Variants in ERC2 observed in about 807,000 individuals in gnomAD.
ERC2 encodes ERC protein 2.
In ERC2, 42 loss-of-function variants were observed where a neutral mutation model predicts 114.8. That is an observed-to-expected ratio of 0.37 (90% CI 0.29 to 0.47). The LOEUF (loss-of-function observed/expected upper bound fraction) is 0.47. ERC2 is among the 20% of genes least tolerant of loss of function. ERC2 has a pLI of 0.99. For missense variants in ERC2, 939 were observed against 1,150.7 expected (o/e 0.82, Z 2.66); for synonymous variants, 454 against 425.5 (o/e 1.07, Z -0.82).
intron 17 of ERC2, among the ~76,000 whole-genome samples, chr3:55,567,596 G>T (rs1281175671): frequency 6.6e-6 from 1 of 152,086 alleles, no homozygotes; most frequent in Non-Finnish European, 1.5e-5. Context: ...GGTGGTGAAT[G>T]GTGAGATGGT....
At chr3:55,663,392 G>A (rs532999185) in intron 17 of ERC2, among the ~76,000 whole-genome samples, 58 of 152,350 alleles carry the variant, frequency 3.8e-4, no homozygotes, top group African/African-American at 1.3e-3. Flanking sequence ...GGCTAGAATC[G>A]ATGATGGCTA....
chr3:55,910,022 G>GT (rs1559856216), intron 13 of ERC2, among the ~76,000 whole-genome samples: 2 of 151,784 alleles, frequency 1.3e-5, no homozygotes, highest in Non-Finnish European at 2.9e-5. Context: ...TATTCAGGTT[G>GT]TTTTTTTTCT....
At chr3:56,333,282 T>A (rs188004679) in intron 2 of ERC2, among the ~76,000 whole-genome samples, 2 of 152,224 alleles carry the variant, frequency 1.3e-5, no homozygotes, top group African/African-American at 4.8e-5. Context: ...ACAAGTCCAC[T>A]CCTAGAACCC....
At chr3:56,447,423 G>C (rs1412447933) in intron 1 of ERC2, among the ~76,000 whole-genome samples, 2 of 152,214 alleles carry the variant, frequency 1.3e-5, no homozygotes, top group Non-Finnish European at 2.9e-5. Flanking sequence ...GGGGAGGAGA[G>C]GAAAGAGAGG....
At chr3:55,557,303 C>G (rs749694489) in intron 17 of ERC2, among the ~76,000 whole-genome samples, 1 of 152,116 alleles carries the variant, frequency 6.6e-6, no homozygotes, top group Non-Finnish European at 1.5e-5. Flanking sequence ...TGGCAGACAT[C>G]GTGTTGACAG....
At chr3:55,760,475 A>G (rs1023577396) in intron 14 of ERC2, among the ~76,000 whole-genome samples, 1 of 152,230 alleles carries the variant, frequency 6.6e-6, no homozygotes, top group Non-Finnish European at 1.5e-5. Context: ...AAATAGACTA[A>G]GTAGTAAAAA....
chr3:55,626,297 G>A (rs978736930), intron 17 of ERC2, among the ~76,000 whole-genome samples: 1 of 152,178 alleles, frequency 6.6e-6, no homozygotes, highest in African/African-American at 2.4e-5. Context: ...AAGGAGGTCA[G>A]GCAAATGACT....
chr3:56,278,378 T>C (rs1288566049), intron 3 of ERC2, among the ~76,000 whole-genome samples: 1 of 152,174 alleles, frequency 6.6e-6, no homozygotes, highest in Non-Finnish European at 1.5e-5. Context: ...AAATAATTGA[T>C]CAATACTCTT....
chr3:55,996,610 A>G (rs1363075988), intron 10 of ERC2, among the ~76,000 whole-genome samples: 1 of 152,182 alleles, frequency 6.6e-6, no homozygotes, highest in African/African-American at 2.4e-5. Context: ...GGGACTCCCA[A>G]TTATATTTCT....
chr3:55,726,480 C>T (rs1326879351), intron 15 of ERC2, among the ~76,000 whole-genome samples: 1 of 152,226 alleles, frequency 6.6e-6, no homozygotes, highest in Admixed American at 6.5e-5. Flanking sequence ...TTCTTACTTT[C>T]CTGGACAGGA....
intron 15 of ERC2, among the ~76,000 whole-genome samples, chr3:55,710,522 T>C (rs774903181): frequency 3.9e-5 from 6 of 152,094 alleles, no homozygotes; most frequent in Non-Finnish European, 8.8e-5. Context: ...CTTGAATTCA[T>C]TGAATGGGTA....
At chr3:55,617,834 T>G (rs892458835) in intron 17 of ERC2, among the ~76,000 whole-genome samples, 3 of 152,210 alleles carry the variant, frequency 2.0e-5, no homozygotes, top group African/African-American at 7.2e-5. Flanking sequence ...TTAGGTGTTT[T>G]TAAGATCTGG....
In ERC2 at chr3:56,360,504, T is replaced by G. The variant is rs150064847; in HGVS notation, c.658-64069A>C. On this transcript the variant is annotated intron_variant, in intron 2 of 17. Transcript: ENST00000288221. ...AATGTGAAAACATGCTCTCCAAGGC[T>G]AAAACAATGTGTTTTGGGAGCTCCA... Among the ~76,000 whole-genome samples, 464 of 152,312 alleles carry G rather than the reference T, an allele frequency of 3.0e-3. 3 individuals carry two copies. The highest frequency in any genetic ancestry group is 0.01 in the African/African-American group (425 of 41,562).
intron 15 of ERC2, among the ~76,000 whole-genome samples, chr3:55,713,506 C>A (rs577028559): frequency 6.6e-6 from 1 of 152,118 alleles, no homozygotes; most frequent in Admixed American, 6.5e-5. Flanking sequence ...CATGAGCCAC[C>A]GCTCCTGTCC....
In ERC2 at chr3:55,543,650, C is replaced by T. The variant is rs548678320; in HGVS notation, c.*40-32374G>A. 7.2e-5 allele frequency among the ~76,000 whole-genome samples: 11 copies of T among 152,302 alleles called. No homozygotes were observed. In the South Asian group the frequency reaches 2.3e-3, roughly 32 times the overall value. ...TGTAAGAATGAAGGAGGCACTTAAG[C>T]TAAATCAAGAGAACGGGAGCTTGGC... On this transcript the variant is annotated intron_variant, in intron 17 of 17. Transcript: ENST00000288221.
chr3:55,779,327 C>CAAA (rs60185894), intron 14 of ERC2, among the ~76,000 whole-genome samples: 31 of 62,454 alleles, frequency 5.0e-4, no homozygotes, highest in African/African-American at 9.1e-4. Flanking sequence ...ACTAAAAATA[C>CAAA]AAAAAAAAAA....
At chr3:55,633,305 T>TG (rs2148632490) in intron 17 of ERC2, among the ~76,000 whole-genome samples, 1 of 152,064 alleles carries the variant, frequency 6.6e-6, no homozygotes, top group South Asian at 2.1e-4. Context: ...AATGAGTGAG[T>TG]GAATGAACAA....
At position 55,793,859 on chromosome 3, in the gene ERC2, G is replaced by T. The variant is rs181701003; in HGVS notation, c.2565-58941C>A. 2.5e-3 allele frequency among the ~76,000 whole-genome samples: 374 copies of T among 152,308 alleles called. 1 individual carries two copies. Among genetic ancestry groups the T allele is most frequent in the African/African-American group, 8.5e-3 (355 of 41,584 alleles). ...CTCGAGGCTTTCATGAAATTTAAAA[G>T]ATGATGGTGAGTGGAAATTTTAAAA... On this transcript the variant is annotated intron_variant, in intron 14 of 17. Coordinates refer to ENST00000288221, the MANE Select transcript of ERC2 (RefSeq NM_015576.3).
At chr3:56,463,726 T>C (rs775725484) in intron 1 of ERC2, among the ~76,000 whole-genome samples, 4 of 152,370 alleles carry the variant, frequency 2.6e-5, no homozygotes, top group Non-Finnish European at 4.4e-5. Flanking sequence ...TAACTCATTA[T>C]ATCCATGTGT....
Sources: allele counts gnomAD v4.1 joint callset (sites outside exome capture counted in the v4.1 genomes callset), GRCh38; gene constraint gnomAD v4.1.1; transcripts MANE v1.5; gene names NCBI Gene and HGNC (gene_info 2026-07-23, HGNC 2026-07-21).